Variants in LPIN1 observed in about 807,000 individuals in gnomAD.
LPIN1 encodes the protein lipin 1.
LPIN1 carries 71 observed loss-of-function variants against 107.5 expected under a neutral mutation model. The ratio of observed to expected loss-of-function variants is 0.66; its 90% confidence interval spans 0.55 to 0.80. The LOEUF (loss-of-function observed/expected upper bound fraction) is 0.80, where lower values mean the gene tolerates loss of function less well. Ranked by LOEUF, LPIN1 falls within the 30% of genes least tolerant of loss-of-function variation. The probability of loss-of-function intolerance (pLI) is 0.00; values close to 1 mark genes in which losing one functional copy is unlikely to be tolerated. For synonymous variants in LPIN1, 445 were observed against 452.6 expected, an observed-to-expected ratio of 0.98 and a Z score of 0.21; for missense variants, 1,043 against 1,160.6, an observed-to-expected ratio of 0.90 and a Z score of 1.47.
intron 18 of LPIN1, chr2:11,818,519 T>G (rs1252205637): frequency 1.3e-5 from 2 of 152,316 alleles, no homozygotes; most frequent in Non-Finnish European, 2.9e-5. Flanking sequence ...ACTTTTTTTT[T>G]TTGGTACATT....
chr2:11,678,220 G>A (rs568069618), intron 1 of LPIN1, among the ~76,000 whole-genome samples: 4 of 152,282 alleles, frequency 2.6e-5, no homozygotes, highest in South Asian at 2.1e-4. Context: ...CAAAGCCAGC[G>A]GCTGTCCCTA....
intron 18 of LPIN1, 84 bp from the exon 19 acceptor site, chr2:11,819,400 G>T: frequency 1.1e-6 from 1 of 902,292 alleles, no homozygotes; most frequent in Non-Finnish European, 1.9e-6. Flanking sequence ...TCTCAGTGTT[G>T]CGGCAGCTTT....
At chr2:11,737,946 T>C (rs1458337206) in intron 1 of LPIN1, among the ~76,000 whole-genome samples, 4 of 152,242 alleles carry the variant, frequency 2.6e-5, no homozygotes, top group African/African-American at 7.2e-5. Flanking sequence ...TGTATGTTTA[T>C]TGCAGCACTA....
chr2:11,811,939 C>T (rs747745312), intron 17 of LPIN1, among the ~76,000 whole-genome samples: 4 of 151,984 alleles, frequency 2.6e-5, no homozygotes, highest in South Asian at 2.1e-4. Flanking sequence ...GAGCTGAGAT[C>T]GTGCCACTGC....
chr2:11,803,543 G>A lies in LPIN1; in HGVS notation c.2013+510G>A, dbSNP rs146470432. Among the ~76,000 whole-genome samples, 52 of 152,296 alleles carry A rather than the reference G, an allele frequency of 3.4e-4. No homozygotes were observed. In the Middle Eastern group the frequency reaches 0.01, roughly 30 times the overall value. On this transcript the variant is annotated intron_variant, in intron 15 of 20. Transcript: ENST00000674199. The surrounding 1 kb of genome is among the most constrained non-coding windows in gnomAD (Gnocchi z 4.2). ...AATTAAAAGCCCTTTCTTGGATCCC[G>A]TTGGTCATGGCCAGTGAGCACCTGT...
chr2:11,729,474 G>GT (rs1664983329), intron 1 of LPIN1, among the ~76,000 whole-genome samples: 1 of 152,186 alleles, frequency 6.6e-6, no homozygotes, highest in African/African-American at 2.4e-5. Flanking sequence ...CATTGCTACT[G>GT]TTTTTGCTTT....
chr2:11,723,440 G>T (rs1664307529), upstream of LPIN1: 1 of 152,310 alleles, frequency 6.6e-6, no homozygotes, highest in African/African-American at 2.4e-5. Flanking sequence ...GGCAGATCAC[G>T]AGGTCAGGAG....
intron 1 of LPIN1, among the ~76,000 whole-genome samples, chr2:11,760,858 G>C (rs560577740): frequency 6.9e-4 from 105 of 152,280 alleles, no homozygotes; most frequent in African/African-American, 2.4e-3. Context: ...TCATCATTCG[G>C]TGACAAACAT....
intron 1 of LPIN1, among the ~76,000 whole-genome samples, chr2:11,735,149 G>A (rs559704992): frequency 2.8e-4 from 43 of 152,160 alleles, no homozygotes; most frequent in African/African-American, 1.0e-3. Context: ...AAAATTAGCC[G>A]GGCATGGTGG....
At chr2:11,819,834 A>T (rs1681218815) in intron 19 of LPIN1, among the ~76,000 whole-genome samples, 2 of 152,192 alleles carry the variant, frequency 1.3e-5, no homozygotes, top group South Asian at 4.1e-4. Context: ...ATGGGACTTA[A>T]AACTCCAAAT....
At chr2:11,689,157 C>T (rs948257282) in intron 1 of LPIN1, among the ~76,000 whole-genome samples, 6 of 152,182 alleles carry the variant, frequency 3.9e-5, no homozygotes, top group Non-Finnish European at 5.9e-5. Context: ...CATGCCAGGG[C>T]CCTATGAGAC....
At chr2:11,822,876 G>C (rs1271100286) in intron 20 of LPIN1, among the ~76,000 whole-genome samples, 2 of 152,224 alleles carry the variant, frequency 1.3e-5, no homozygotes, top group Admixed American at 1.3e-4. Context: ...TGAGGCTCTA[G>C]GGTTAAAATG....
At chr2:11,769,293 G>A (rs1671479078) in intron 3 of LPIN1, among the ~76,000 whole-genome samples, 1 of 152,202 alleles carries the variant, frequency 6.6e-6, no homozygotes, top group Non-Finnish European at 1.5e-5. Context: ...TTATGGTTAT[G>A]ATTTGCATTT....
chr2:11,717,195 C>T (rs1250357525), intron 2 of LPIN1, among the ~76,000 whole-genome samples: 5 of 152,104 alleles, frequency 3.3e-5, no homozygotes, highest in East Asian at 1.9e-4. Flanking sequence ...CAATGAAGGC[C>T]GCAGTCTCCT....
chr2:11,792,653 C>T (rs919953932), intron 13 of LPIN1, among the ~76,000 whole-genome samples: 1 of 152,110 alleles, frequency 6.6e-6, no homozygotes, highest in African/African-American at 2.4e-5. Context: ...AAAGTGTTGG[C>T]ATTACAGGCG....
At chr2:11,822,574 C>G (rs1681733516) in intron 20 of LPIN1, among the ~76,000 whole-genome samples, 1 of 152,144 alleles carries the variant, frequency 6.6e-6, no homozygotes, top group Non-Finnish European at 1.5e-5. Flanking sequence ...GGGAAACTCC[C>G]CCTTATAAAA....
Position 11,774,115 on chromosome 2 carries a change from G to A in LPIN1, c.722+370G>A, listed in dbSNP as rs956370218. Among the ~76,000 whole-genome samples the A allele has an allele frequency of 3.1e-4, 47 of 152,318 alleles. No homozygotes were observed. The highest frequency in any genetic ancestry group is 1.0e-3 in the African/African-American group (42 of 41,566). On this transcript the variant is annotated intron_variant, in intron 5 of 20. Coordinates refer to ENST00000674199, the MANE Select transcript of LPIN1 (RefSeq NM_001349206.2). The surrounding 1 kb of genome is among the most constrained non-coding windows in gnomAD (Gnocchi z 4.4). Reference sequence around the variant, plus strand: ...CGTTGCTTCAGGAGCTGCTGAGGTCGTTCAGGGCTATTAGAATGGTGCCTC... The same window carrying A: ...CGTTGCTTCAGGAGCTGCTGAGGTCATTCAGGGCTATTAGAATGGTGCCTC...
intron 4 of LPIN1, among the ~76,000 whole-genome samples, chr2:11,773,287 A>G (rs1672156815): frequency 6.6e-6 from 1 of 152,050 alleles, no homozygotes; most frequent in Non-Finnish European, 1.5e-5. Flanking sequence ...GGGCCACTCT[A>G]CCTCCCAGGC....
intron 8 of LPIN1, among the ~76,000 whole-genome samples, chr2:11,783,274 C>A (rs1673878527): frequency 6.6e-6 from 1 of 152,164 alleles, no homozygotes; most frequent in African/African-American, 2.4e-5. Context: ...GGGGAAGTGC[C>A]TAATAAAAGC....
Sources: allele counts gnomAD v4.1 joint callset (sites outside exome capture counted in the v4.1 genomes callset), GRCh38; gene constraint gnomAD v4.1.1; non-coding constraint Gnocchi (gnomAD v3.1); transcripts MANE v1.5; gene names NCBI Gene and HGNC (gene_info 2026-07-23, HGNC 2026-07-21).